Variants in TMEM151A observed in about 807,000 individuals in gnomAD.
TMEM151A encodes the protein transmembrane protein 151.
TMEM151A carries 21 observed loss-of-function variants against 33.7 expected under a neutral mutation model. The observed-to-expected ratio is 0.62, with a 90% CI of 0.44 to 0.90. TMEM151A has a LOEUF of 0.90. Among genes scored for constraint, TMEM151A ranks in the 40% least tolerant of loss-of-function variants. The pLI is 0.00. For synonymous variants in TMEM151A, 374 were observed against 330.3 expected (o/e 1.13, Z -1.43); for missense variants, 704 against 697.7 (o/e 1.01, Z -0.10).
In TMEM151A at chr11:66,295,285, G is replaced by A. The variant is rs1390128895; in HGVS notation, c.1039G>A (p.Glu347Lys). ...RVATVDFTEL[E>K]WHICSNRQLV... Reference sequence around the variant, plus strand: ...GGCCACAGTGGACTTCACTGAGCTCGAGTGGCACATCTGCTCCAACCGGCA... The same window carrying A: ...GGCCACAGTGGACTTCACTGAGCTCAAGTGGCACATCTGCTCCAACCGGCA... The change falls in exon 2 of 2, where the codon GAG (glutamate) becomes AAG (lysine). Residue 347 changes from glutamate to lysine, a missense_variant. Glu to Lys is a moderately conservative substitution (Grantham distance 56, BLOSUM62 1). Transcript: ENST00000327259. 2 of 1,578,208 alleles carry A rather than the reference G, an allele frequency of 1.3e-6. No homozygotes were observed. The highest frequency in any genetic ancestry group is 8.6e-7 in the Non-Finnish European group (1 of 1,162,382).
chr11:66,295,434 G>A lies in TMEM151A; in HGVS notation c.1188G>A (p.Gly396=), dbSNP rs1212709917. The A allele has an allele frequency of 6.2e-6, 9 of 1,455,634 alleles. No individual in the cohort carries two copies. In the East Asian group the frequency reaches 2.1e-4, roughly 33 times the overall value. 90.2% of individuals were successfully genotyped at this position (1,455,634 alleles called of 1,614,324 possible). The change falls in exon 2 of 2, where the codon GGG becomes GGA. Residue 396 remains glycine, a synonymous_variant. Transcript: ENST00000327259. The stretch of plus-strand genomic sequence containing the variant: ...CGCTGCCCCCCGCCCGGCCCAGCGG[G>A]CCCCGCCTGCCCTTCAGCCGCAGCC... The part of the protein sequence containing the change: ...SNSLPPARPS[G]PRLPFSRSRL...
chr11:66,294,343 C>A lies in TMEM151A; in HGVS notation c.97C>A (p.Leu33Met). 6.2e-7 allele frequency: 1 copy of A among 1,609,554 alleles called. No individual in the cohort carries two copies. Among genetic ancestry groups the A allele is most frequent in the Non-Finnish European group, 8.5e-7 (1 of 1,179,848 alleles). ...GCAGCAGCGGCCCCTGAAACAGTCC[C>A]TGGGAAGCTCCCTGTGCCGCGAGTC... The part of the protein sequence containing the change: ...REEQRPLKQS[L>M]GSSLCRESHW... The change falls in exon 2 of 2, where the codon CTG becomes ATG. Residue 33 changes from leucine (L) to methionine (M), a missense_variant. Transcript: ENST00000327259.
rs143035438 is a variant in TMEM151A at position 66,294,998 on chromosome 11, A to G, written c.752A>G (p.Asp251Gly). Reference protein sequence around the residue: ...RFFSANEGLDDYLEAREGMHL... With the variant: ...RFFSANEGLDGYLEAREGMHL... Reference sequence around the variant, plus strand: ...TTCAGCGCCAACGAGGGCCTGGACGACTATCTGGAGGCGCGCGAGGGCATG... The same window carrying G: ...TTCAGCGCCAACGAGGGCCTGGACGGCTATCTGGAGGCGCGCGAGGGCATG... Residue 251 changes from aspartate to glycine, a missense_variant, in exon 2 of 2, where the codon GAC (aspartate) becomes GGC (glycine). By Grantham distance (94) the Asp-to-Gly change is moderately conservative (BLOSUM62 -1). Coordinates refer to ENST00000327259, the MANE Select transcript of TMEM151A (RefSeq NM_153266.4). 4 of 1,592,110 alleles carry G rather than the reference A, an allele frequency of 2.5e-6. No individual in the cohort carries two copies. The African/African-American group carries it at 5.4e-5, about 21-fold the overall frequency.
At position 66,295,177 on chromosome 11, in the gene TMEM151A, GTGCAC is replaced by G; in HGVS notation, c.933_937del (p.His312ProfsTer32). ...CGTGGCCGCCTATGGCACGGCTCAC[GTGCAC>G]TACCAGGTGGAGAAGCTCTTTGGCG... On this transcript the variant is annotated frameshift_variant, in exon 2 of 2. Transcript: ENST00000327259. LOFTEE classifies it high-confidence loss of function. 1.3e-6 allele frequency: 2 copies of G among 1,586,682 alleles called. No individual in the cohort carries two copies. The highest frequency in any genetic ancestry group is 1.7e-6 in the Non-Finnish European group (2 of 1,170,296).
chr11:66,295,695 C>T lies in TMEM151A; in HGVS notation c.*42C>T, dbSNP rs866647550. The T allele has an allele frequency of 7.1e-7, 1 of 1,410,520 alleles. No homozygotes were observed. The highest frequency in any genetic ancestry group is 1.6e-5 in the South Asian group (1 of 63,628). The allele number at this position is 1,410,520 out of a possible 1,614,324, so 87.4% of individuals were successfully genotyped here. ...CAGAGTGGCCCCCTCCCCACCATTC[C>T]ACCATGGGCTTAGATGCCCGAGTGA... On this transcript the variant is annotated 3_prime_UTR_variant, in exon 2 of 2. Coordinates refer to ENST00000327259, the MANE Select transcript of TMEM151A (RefSeq NM_153266.4).
Position 66,295,532 on chromosome 11 carries a change from G to A in TMEM151A, c.1286G>A (p.Arg429His), listed in dbSNP as rs571174732. Residue 429 changes from arginine (R) to histidine (H), a missense_variant, in exon 2 of 2, where the codon CGC becomes CAC. By Grantham distance (29) the Arg-to-His change is conservative (BLOSUM62 0). Transcript: ENST00000327259. ...FRSLSGGPLG[R>H]RGEDTEPLES... The stretch of plus-strand genomic sequence containing the variant: ...AGCCTGAGCGGGGGGCCGCTGGGGC[G>A]CCGTGGAGAGGACACGGAACCCCTG... 1.1e-5 allele frequency: 15 copies of A among 1,416,114 alleles called. No homozygotes were observed. Among genetic ancestry groups the A allele is most frequent in the Middle Eastern group, 2.2e-4 (1 of 4,580 alleles). The allele number at this position is 1,416,114 out of a possible 1,614,324, so 87.7% of individuals were successfully genotyped here.
At position 66,295,490 on chromosome 11, in the gene TMEM151A, C is replaced by T. The variant is rs1795366453; in HGVS notation, c.1244C>T (p.Thr415Met). The T allele has an allele frequency of 1.6e-5, 22 of 1,397,860 alleles. No homozygotes were observed. The highest frequency in any genetic ancestry group is 1.9e-5 in the Non-Finnish European group (21 of 1,077,666). The allele number at this position is 1,397,860 out of a possible 1,614,324, so 86.6% of individuals were successfully genotyped here. A position where few individuals can be genotyped will look rare whatever the true frequency, so the allele number is the denominator to read the frequency against. ...TCGCTGGGCGCTGGCGGCCGGGCCA[C>T]GCCAGGGGTCTTCCGCAGCCTGAGC... ...RLSLGAGGRA[T>M]PGVFRSLSGG... The change falls in exon 2 of 2, where the codon ACG becomes ATG. Residue 415 changes from threonine (T) to methionine (M), a missense_variant. Coordinates refer to ENST00000327259, the MANE Select transcript of TMEM151A (RefSeq NM_153266.4).
Position 66,296,115 on chromosome 11 carries a change from G to C in TMEM151A, c.*462G>C, listed in dbSNP as rs564670330. On this transcript the variant is annotated 3_prime_UTR_variant, in exon 2 of 2. Coordinates refer to ENST00000327259, the MANE Select transcript of TMEM151A (RefSeq NM_153266.4). ...AGGTTGGCTTCCCTGGGGCTGAAGA[G>C]CTGGCTGTGGTGGCACCATGGCCTT... 6.4e-6 allele frequency: 1 copy of C among 155,488 alleles called. No individual in the cohort carries two copies. The highest frequency in any genetic ancestry group is 2.4e-5 in the African/African-American group (1 of 41,570). 9.6% of individuals were successfully genotyped at this position (155,488 alleles called of 1,614,324 possible).
rs774145391 is a variant in TMEM151A, at chr11:66,294,468, C to T, written c.222C>T (p.Pro74=). The T allele has an allele frequency of 1.2e-6, 2 of 1,606,538 alleles. No homozygotes were observed. The highest frequency in any genetic ancestry group is 1.7e-5 in the Admixed American group (1 of 59,180). The change falls in exon 2 of 2, where the codon CCC becomes CCT. Residue 74 remains proline, a synonymous_variant. Transcript: ENST00000327259. ...CAGTGCCGCGGCTGGTCCTGGGGCC[C>T]GAGGCCGCCTTGGCCCGGGGAGCCG... ...LATVPRLVLG[P]EAALARGAGG...
chr11:66,295,221 G>T lies in TMEM151A; in HGVS notation c.975G>T (p.Pro325=). The part of the protein sequence containing the change: ...VEKLFGASSP[P]PGAVPSGPPL... Reference sequence around the variant, plus strand: ...AGCTCTTTGGCGCCAGCTCGCCCCCGCCGGGGGCCGTGCCCAGCGGGCCCC... The same window carrying T: ...AGCTCTTTGGCGCCAGCTCGCCCCCTCCGGGGGCCGTGCCCAGCGGGCCCC... Residue 325 remains proline (P), a synonymous_variant, in exon 2 of 2, where the codon CCG becomes CCT. Transcript: ENST00000327259. 4.5e-6 allele frequency: 7 copies of T among 1,566,578 alleles called. No homozygotes were observed. Among genetic ancestry groups the T allele is most frequent in the South Asian group, 1.2e-5 (1 of 86,450 alleles).
At position 66,295,179 on chromosome 11, in the gene TMEM151A, GC is replaced by G; in HGVS notation, c.934del (p.His312ThrfsTer111). ...TGGCCGCCTATGGCACGGCTCACGT[GC>G]ACTACCAGGTGGAGAAGCTCTTTGG... ...VVAAYGTAHV[H>X]YQVEKLFGAS... On this transcript the variant is annotated frameshift_variant, in exon 2 of 2. Coordinates refer to ENST00000327259, the MANE Select transcript of TMEM151A (RefSeq NM_153266.4). LOFTEE classifies it high-confidence loss of function. 6.3e-7 allele frequency: 1 copy of G among 1,586,472 alleles called. No individual in the cohort carries two copies. Among genetic ancestry groups the G allele is most frequent in the Non-Finnish European group, 8.5e-7 (1 of 1,169,952 alleles).
In TMEM151A at chr11:66,294,954, C is replaced by A; in HGVS notation, c.708C>A (p.Leu236=). 6.4e-7 allele frequency: 1 copy of A among 1,562,608 alleles called. No homozygotes were observed. The change falls in exon 2 of 2, where the codon CTC becomes CTA. Residue 236 remains leucine (L), a synonymous_variant. Coordinates refer to ENST00000327259, the MANE Select transcript of TMEM151A (RefSeq NM_153266.4). Reference sequence around the variant, plus strand: ...GCGCGGAGGCCGAGGCCTCGTACCTCACGCAGCGGGCGCGCTTCTTCAGCG... The same window carrying A: ...GCGCGGAGGCCGAGGCCTCGTACCTAACGCAGCGGGCGCGCTTCTTCAGCG... The part of the protein sequence containing the change: ...FGSAEAEASY[L]TQRARFFSAN...
In TMEM151A at chr11:66,292,100, G is replaced by T; in HGVS notation, c.75+12G>T. ...CGCTGCGGGAAGAGGTACCGGCGCT[G>T]GGGGGGCCGGAGCCGGGCCTGGGGC... is the stretch of plus-strand genomic sequence containing the variant. On this transcript the variant is annotated intron_variant, in intron 1 of 1. Coordinates refer to ENST00000327259, the MANE Select transcript of TMEM151A (RefSeq NM_153266.4). The surrounding 1 kb of genome is among the most constrained non-coding windows in gnomAD (Gnocchi z 4.7). 1.4e-6 allele frequency: 2 copies of T among 1,423,600 alleles called. No homozygotes were observed. Among genetic ancestry groups the T allele is most frequent in the East Asian group, 5.9e-5 (2 of 33,960 alleles). The allele number at this position is 1,423,600 out of a possible 1,614,324, so 88.2% of individuals were successfully genotyped here.
At chr11:66,293,413 C>T (rs1209240802) in intron 1 of TMEM151A, among the ~76,000 whole-genome samples, 1 of 152,082 alleles carries the variant, frequency 6.6e-6, no homozygotes, top group African/African-American at 2.4e-5. Context: ...TCCATGGCAC[C>T]TGAGGGTGAG....
chr11:66,294,600 G>A lies in TMEM151A; in HGVS notation c.354G>A (p.Trp118Ter). Residue 118 changes from tryptophan to a stop codon, truncating the protein, a stop_gained, in exon 2 of 2, where the codon TGG (tryptophan) becomes TGA (stop). Coordinates refer to ENST00000327259, the MANE Select transcript of TMEM151A (RefSeq NM_153266.4). LOFTEE classifies it high-confidence loss of function. ...LLYLLYLAEC[W>*]HCHVRSCQAP... is the part of the protein sequence containing the mutation. ...ACCTCCTCTACCTGGCTGAGTGCTG[G>A]CACTGTCACGTGCGGTCCTGCCAGG... The A allele has an allele frequency of 3.7e-6, 6 of 1,612,832 alleles. No homozygotes were observed. Among genetic ancestry groups the A allele is most frequent in the Non-Finnish European group, 5.1e-6 (6 of 1,179,486 alleles).
Position 66,295,335 on chromosome 11 carries a change from C to A in TMEM151A, c.1089C>A (p.Ala363=). The A allele has an allele frequency of 6.3e-7, 1 of 1,587,964 alleles. No homozygotes were observed. Among genetic ancestry groups the A allele is most frequent in the Non-Finnish European group, 8.6e-7 (1 of 1,168,618 alleles). ...NRQLVPSYSE[A]VVMGAGSGAY... ...AGCTGGTGCCCAGCTACTCGGAGGC[C>A]GTGGTCATGGGCGCGGGCTCGGGCG... The change falls in exon 2 of 2, where the codon GCC becomes GCA. Residue 363 remains alanine, a synonymous_variant. Coordinates refer to ENST00000327259, the MANE Select transcript of TMEM151A (RefSeq NM_153266.4).
intron 1 of TMEM151A, among the ~76,000 whole-genome samples, chr11:66,293,930 G>A (rs971923445): frequency 1.3e-5 from 2 of 152,168 alleles, no homozygotes; most frequent in Non-Finnish European, 2.9e-5. Context: ...ACAGGACCAA[G>A]AATCAAGGCC....
In TMEM151A at chr11:66,294,468, C is replaced by A; in HGVS notation, c.222C>A (p.Pro74=). 1 of 1,606,538 alleles carries A rather than the reference C, an allele frequency of 6.2e-7. No homozygotes were observed. The highest frequency in any genetic ancestry group is 8.5e-7 in the Non-Finnish European group (1 of 1,176,592). ...CAGTGCCGCGGCTGGTCCTGGGGCC[C>A]GAGGCCGCCTTGGCCCGGGGAGCCG... is the stretch of plus-strand genomic sequence containing the variant. ...LATVPRLVLG[P]EAALARGAGG... is the part of the protein sequence containing the mutation. The change falls in exon 2 of 2, where the codon CCC becomes CCA. Residue 74 remains proline, a synonymous_variant. Transcript: ENST00000327259.
At chr11:66,294,139 C>T (rs1206859863) in intron 1 of TMEM151A, among the ~76,000 whole-genome samples, 183 bp from the exon 2 acceptor site, 2 of 152,190 alleles carry the variant, frequency 1.3e-5, no homozygotes, top group African/African-American at 4.8e-5. Flanking sequence ...GAATATGCAG[C>T]GCCACTGTGA....
Sources: gnomAD v4.1 joint callset for allele counts (sites outside exome capture counted in the v4.1 genomes callset) on GRCh38, gnomAD v4.1.1 for gene constraint, Gnocchi (gnomAD v3.1) non-coding constraint, MANE v1.5 for transcripts, NCBI Gene and HGNC (gene_info 2026-07-23, HGNC 2026-07-21) for gene names.